Variants in ANKRD44 observed in about 807,000 individuals in gnomAD.
ANKRD44 encodes ankyrin repeat domain 44, also known as serine/threonine-protein phosphatase 6 regulatory ankyrin repeat subunit B.
ANKRD44 carries 35 observed loss-of-function variants against 116.0 expected under a neutral mutation model. That is an observed-to-expected ratio of 0.30 (90% CI 0.23 to 0.40). The LOEUF (loss-of-function observed/expected upper bound fraction) is 0.40. Among genes scored for constraint, ANKRD44 ranks in the 10% least tolerant of loss-of-function variants. ANKRD44 has a pLI of 1.00. For synonymous variants in ANKRD44, 435 were observed against 461.8 expected, an observed-to-expected ratio of 0.94 and a Z score of 0.74; for missense variants, 1,014 against 1,242.6, an observed-to-expected ratio of 0.82 and a Z score of 2.77.
chr2:197,099,399 C>T (rs777405573), intron 10 of ANKRD44: 14 of 514,104 alleles, frequency 2.7e-5, no homozygotes, highest in Middle Eastern at 9.7e-4. Context: ...CAGGTTCCCC[C>T]TTCCCTACAT....
In ANKRD44 at chr2:196,987,386, T is replaced by A. The variant is rs2075849972; in HGVS notation, c.*2205A>T. ...CACTCAAATGAAAAAATACAAAACA[T>A]TCCACAGAACATTTTCAGAATATAC... On this transcript the variant is annotated 3_prime_UTR_variant, in exon 28 of 28. Transcript: ENST00000282272. The A allele has an allele frequency of 2.0e-6, 2 of 984,804 alleles. No homozygotes were observed. 61.0% of individuals were successfully genotyped at this position (984,804 alleles called of 1,614,324 possible).
chr2:197,054,628 T>G (rs999755391), intron 16 of ANKRD44, among the ~76,000 whole-genome samples: 1 of 152,254 alleles, frequency 6.6e-6, no homozygotes, highest in African/African-American at 2.4e-5. Context: ...GTGATCCTGG[T>G]AGCAGGTAAG....
At chr2:197,186,553 C>G (rs1027187898) in intron 2 of ANKRD44, among the ~76,000 whole-genome samples, 1 of 149,796 alleles carries the variant, frequency 6.7e-6, no homozygotes, top group Admixed American at 6.7e-5. Context: ...CAGCCTCGAA[C>G]TCCTGGGCTC....
chr2:197,156,139 G>C (rs113196331), intron 2 of ANKRD44, among the ~76,000 whole-genome samples: 1,708 of 152,304 alleles, frequency 0.011, 35 homozygotes, highest in African/African-American at 0.038. Context: ...GAGGTCAGGA[G>C]ATCAAGATCA....
rs867213124 is a variant in ANKRD44, at chr2:197,122,090, G to A, written c.694-546C>T. Among the ~76,000 whole-genome samples, 22 of 152,180 alleles carry A rather than the reference G, an allele frequency of 1.4e-4. 1 individual carries two copies. The highest frequency in any genetic ancestry group is 6.8e-3 in the Middle Eastern group (2 of 294). ...GTGGTGCCGTCAGGAGGTGTGTTTC[G>A]TCCACGGCTCCCTATTGCTTTCTGA... On this transcript the variant is annotated intron_variant, in intron 7 of 27. Coordinates refer to ENST00000282272, the MANE Select transcript of ANKRD44 (RefSeq NM_001195144.2).
In ANKRD44 at chr2:197,019,194, G is replaced by A. The variant is rs115684361; in HGVS notation, c.1723-5482C>T. Among the ~76,000 whole-genome samples, 1,454 of 152,284 alleles carry A rather than the reference G, an allele frequency of 9.5e-3. 8 individuals carry two copies. The highest frequency in any genetic ancestry group is 0.024 in the Middle Eastern group (7 of 294). ...AGTGGCTTGAGCGGAGCTATGAAGCGAGAAGGTACACTTCTGGGACTAACC... is the reference window on the plus strand; with the variant it reads ...AGTGGCTTGAGCGGAGCTATGAAGCAAGAAGGTACACTTCTGGGACTAACC... On this transcript the variant is annotated intron_variant, in intron 17 of 27. Transcript: ENST00000282272.
intron 1 of ANKRD44, among the ~76,000 whole-genome samples, chr2:197,242,031 C>T (rs927350116): frequency 6.6e-6 from 1 of 151,916 alleles, no homozygotes; most frequent in Non-Finnish European, 1.5e-5. Context: ...TAAAAACTTG[C>T]TAGGGTGCAT....
intron 3 of ANKRD44, 89 bp downstream of exon 3, chr2:197,146,938 T>C (rs2079519671): frequency 1.9e-6 from 2 of 1,081,026 alleles, no homozygotes; most frequent in Non-Finnish European, 2.7e-6. Context: ...CAAAGGAATT[T>C]TGCTTGGGTT....
intron 1 of ANKRD44, among the ~76,000 whole-genome samples, chr2:197,218,501 C>CAA (rs1007599083): frequency 1.3e-5 from 2 of 152,134 alleles, no homozygotes; most frequent in Non-Finnish European, 2.9e-5. Context: ...GGCTCAAGCT[C>CAA]TTCTTTTAAT....
chr2:197,017,321 T>C (rs993094854), intron 17 of ANKRD44, among the ~76,000 whole-genome samples: 3 of 152,174 alleles, frequency 2.0e-5, no homozygotes, highest in African/African-American at 7.2e-5. Flanking sequence ...AAGCTATCAA[T>C]GGTACTTACT....
chr2:197,132,692 T>C (rs1270627926), intron 4 of ANKRD44, among the ~76,000 whole-genome samples: 1 of 152,196 alleles, frequency 6.6e-6, no homozygotes, highest in African/African-American at 2.4e-5. Context: ...TAAAAGATTA[T>C]TACCATCAAC....
chr2:197,157,052 A>G (rs557796084), intron 2 of ANKRD44, among the ~76,000 whole-genome samples: 9 of 152,304 alleles, frequency 5.9e-5, no homozygotes, highest in South Asian at 4.1e-4. Flanking sequence ...TTCATATGTC[A>G]AAACTTCGCA....
intron 10 of ANKRD44, chr2:197,099,549 A>C: frequency 1.7e-6 from 2 of 1,161,022 alleles, no homozygotes. Context: ...AATATTAGAA[A>C]GAAAAGTTAC....
chr2:197,118,607 G>GAGAA lies in ANKRD44; in HGVS notation c.906+2721_906+2724dup, dbSNP rs796315814. On this transcript the variant is annotated intron_variant, in intron 8 of 27. Transcript: ENST00000282272. ...TTCTATCTCAAAAACAAAAGAAAGA[G>GAGAA]AGAAAGAAAGAGAGAGAGAGAGAGA... 6.3e-3 allele frequency among the ~76,000 whole-genome samples: 304 copies of GAGAA among 48,390 alleles called. 2 individuals carry two copies. Among genetic ancestry groups the GAGAA allele is most frequent in the Middle Eastern group, 0.032 (4 of 124 alleles). 31.7% of individuals were successfully genotyped at this position (48,390 alleles called of 152,430 possible). A position where few individuals can be genotyped will look rare whatever the true frequency, so the allele number is the denominator to read the frequency against.
chr2:197,048,435 C>A (rs145309582), intron 16 of ANKRD44, among the ~76,000 whole-genome samples: 1 of 152,200 alleles, frequency 6.6e-6, no homozygotes, highest in African/African-American at 2.4e-5. Context: ...TGAGAACATG[C>A]GGTGTTTGGT....
intron 2 of ANKRD44, among the ~76,000 whole-genome samples, chr2:197,168,278 G>A (rs919047034): frequency 6.6e-6 from 1 of 152,216 alleles, no homozygotes; most frequent in Non-Finnish European, 1.5e-5. Flanking sequence ...TCAATTGGCT[G>A]TTTTATGCCA....
At chr2:197,085,902 A>G (rs1438168583) in intron 13 of ANKRD44, among the ~76,000 whole-genome samples, 1 of 152,126 alleles carries the variant, frequency 6.6e-6, no homozygotes, top group African/African-American at 2.4e-5. Context: ...CCCCTTTCCC[A>G]TAACAGGGAG....
chr2:197,009,540 T>C (rs1187468399), intron 18 of ANKRD44, among the ~76,000 whole-genome samples: 1 of 152,176 alleles, frequency 6.6e-6, no homozygotes, highest in Non-Finnish European at 1.5e-5. Flanking sequence ...CGCTAATTTT[T>C]GCATTTTTAG....
At chr2:197,187,675 T>TCC (rs2080717042) in intron 1 of ANKRD44, among the ~76,000 whole-genome samples, 1 of 149,444 alleles carries the variant, frequency 6.7e-6, no homozygotes. Context: ...TCTCTCTCTC[T>TCC]CTCCCTCTTC....
Sources: allele counts gnomAD v4.1 joint callset (sites outside exome capture counted in the v4.1 genomes callset), GRCh38; gene constraint gnomAD v4.1.1; transcripts MANE v1.5; gene names NCBI Gene and HGNC (gene_info 2026-07-23, HGNC 2026-07-21).